Variants in PTPRN2 observed in about 807,000 individuals in gnomAD.
PTPRN2 encodes receptor-type tyrosine-protein phosphatase N2.
In PTPRN2, 74 loss-of-function variants were observed where a neutral mutation model predicts 118.8. The observed-to-expected ratio is 0.62, with a 90% CI of 0.52 to 0.76. The LOEUF is 0.76. Ranked by LOEUF, PTPRN2 falls within the 30% of genes least tolerant of loss-of-function variation. PTPRN2 has a pLI of 0.00. For missense variants in PTPRN2, 1,481 were observed against 1,394.4 expected, an observed-to-expected ratio of 1.06 and a Z score of -0.99; for synonymous variants, 641 against 608.0, an observed-to-expected ratio of 1.05 and a Z score of -0.80.
intron 9 of PTPRN2, among the ~76,000 whole-genome samples, chr7:158,132,022 A>ATG (rs1818363302): frequency 6.7e-6 from 1 of 149,978 alleles, no homozygotes. Context: ...ATACACATCT[A>ATG]TGACATATAC....
chr7:157,544,756 T>A (rs1031287441), intron 22 of PTPRN2, among the ~76,000 whole-genome samples: 16 of 152,196 alleles, frequency 1.1e-4, no homozygotes, highest in African/African-American at 3.9e-4. Context: ...CACAGAGGCA[T>A]GGACGGGAGA....
intron 1 of PTPRN2, among the ~76,000 whole-genome samples, chr7:158,558,193 C>T (rs1237181185): frequency 6.6e-6 from 1 of 152,120 alleles, no homozygotes; most frequent in Non-Finnish European, 1.5e-5. Context: ...GCTATGTTGC[C>T]CAGCCTGGTC....
chr7:157,567,083 C>T (rs1799522847), intron 21 of PTPRN2, among the ~76,000 whole-genome samples: 1 of 152,088 alleles, frequency 6.6e-6, no homozygotes, highest in East Asian at 1.9e-4. Context: ...GAAGGGAGGG[C>T]CCATGATAAG....
chr7:158,270,593 A>G (rs1246184763), intron 3 of PTPRN2, among the ~76,000 whole-genome samples: 3 of 152,020 alleles, frequency 2.0e-5, no homozygotes, highest in Admixed American at 6.5e-5. Context: ...GGGGAAACTG[A>G]GTCCTTTCAG....
At chr7:158,353,049 C>G (rs1808129655) in intron 2 of PTPRN2, among the ~76,000 whole-genome samples, 1 of 152,216 alleles carries the variant, frequency 6.6e-6, no homozygotes, top group Admixed American at 6.5e-5. Flanking sequence ...TTAGAATAAT[C>G]AAGATTTTTA....
intron 12 of PTPRN2, among the ~76,000 whole-genome samples, chr7:157,702,830 C>T (rs1033860090): frequency 6.6e-6 from 1 of 152,208 alleles, no homozygotes; most frequent in East Asian, 1.9e-4. Flanking sequence ...GCTCCTCTCT[C>T]CTCTGGCCCC....
chr7:158,263,003 C>T (rs1797613528), intron 3 of PTPRN2, among the ~76,000 whole-genome samples: 1 of 146,770 alleles, frequency 6.8e-6, no homozygotes, highest in East Asian at 2.0e-4. Context: ...ACATTGCACA[C>T]ACACATTCAC....
intron 12 of PTPRN2, among the ~76,000 whole-genome samples, chr7:157,762,903 C>T (rs151184699): frequency 0.012 from 1,874 of 152,308 alleles, 40 homozygotes; most frequent in African/African-American, 0.043. Context: ...AATCCAGCCC[C>T]GCCCCTGAAA....
chr7:158,432,162 C>T (rs1217774535), intron 2 of PTPRN2, among the ~76,000 whole-genome samples: 2 of 152,186 alleles, frequency 1.3e-5, no homozygotes, highest in Non-Finnish European at 2.9e-5. Flanking sequence ...CCTTTAATGA[C>T]GTGTGAGGGA....
chr7:157,952,237 C>T (rs1466236936), intron 11 of PTPRN2, among the ~76,000 whole-genome samples: 1 of 152,134 alleles, frequency 6.6e-6, no homozygotes, highest in Non-Finnish European at 1.5e-5. Context: ...GGCGATGGGG[C>T]CGAACCCCGC....
intron 11 of PTPRN2, among the ~76,000 whole-genome samples, chr7:158,018,362 A>G (rs931010772): frequency 1.3e-4 from 20 of 150,202 alleles, no homozygotes. Context: ...CAGAGAAGAC[A>G]GGCGTAGCGT....
intron 1 of PTPRN2, among the ~76,000 whole-genome samples, chr7:158,494,190 G>A (rs1414822372): frequency 6.6e-6 from 1 of 152,232 alleles, no homozygotes; most frequent in Non-Finnish European, 1.5e-5. Context: ...CACTGGCTGG[G>A]AGGAAGCTCG....
chr7:157,821,006 G>T lies in PTPRN2; in HGVS notation c.1788+77667C>A, dbSNP rs561501324. 2.0e-5 allele frequency among the ~76,000 whole-genome samples: 3 copies of T among 152,308 alleles called. No homozygotes were observed. In the East Asian group the frequency reaches 5.8e-4, roughly 29 times the overall value. Reference sequence around the variant, plus strand: ...AGGGGAGGCAAGAGTGCACCCTGCAGCCTGGTGGAGTCTCCCATGCTGGAG... The same window carrying T: ...AGGGGAGGCAAGAGTGCACCCTGCATCCTGGTGGAGTCTCCCATGCTGGAG... On this transcript the variant is annotated intron_variant, in intron 12 of 22. Transcript: ENST00000389418.
Position 157,671,866 on chromosome 7 carries a change from A to G in PTPRN2, c.2001+10859T>C, listed in dbSNP as rs1796434093. On this transcript the variant is annotated intron_variant, in intron 13 of 22. Transcript: ENST00000389418. This position sits in a 1 kb window ranked among gnomAD's most constrained non-coding sequence, Gnocchi z 4.1. ...GGGGCCTGCTGGGAATCCCGGTCTC[A>G]GAGGTCTCAGCTCTGACCGAAGGGT... 6.6e-6 allele frequency among the ~76,000 whole-genome samples: 1 copy of G among 152,150 alleles called. No homozygotes were observed. The highest frequency in any genetic ancestry group is 6.5e-5 in the Admixed American group (1 of 15,286).
chr7:157,752,259 C>T lies in PTPRN2; in HGVS notation c.1789-69322G>A, dbSNP rs543183431. ...CGGCCATCACGGATGTAGCGGGGAA[C>T]GTCGTAAGTGCTGCCTCAACAACAT... On this transcript the variant is annotated intron_variant, in intron 12 of 22. Coordinates refer to ENST00000389418, the MANE Select transcript of PTPRN2 (RefSeq NM_002847.5). Among the ~76,000 whole-genome samples, 10 of 152,334 alleles carry T rather than the reference C, an allele frequency of 6.6e-5. No homozygotes were observed. The South Asian group carries it at 1.5e-3, about 22-fold the overall frequency.
chr7:157,651,298 C>T (rs796159006), intron 14 of PTPRN2, among the ~76,000 whole-genome samples: 3 of 152,334 alleles, frequency 2.0e-5, no homozygotes, highest in African/African-American at 7.2e-5. Context: ...GGCCTACTCA[C>T]AGCTCCTGTG....
intron 2 of PTPRN2, among the ~76,000 whole-genome samples, chr7:158,374,319 A>G (rs1381850549): frequency 1.3e-5 from 2 of 151,950 alleles, no homozygotes; most frequent in Non-Finnish European, 2.9e-5. Context: ...ACAAACACCA[A>G]CTCAAAAGGC....
At chr7:158,139,686 G>A (rs1045163400) in intron 6 of PTPRN2, among the ~76,000 whole-genome samples, 7 of 152,044 alleles carry the variant, frequency 4.6e-5, no homozygotes, top group Non-Finnish European at 7.4e-5. Flanking sequence ...AGCAGCGGGG[G>A]CGGGGCGGGG....
At chr7:158,211,461 C>T (rs916078414) in intron 3 of PTPRN2, among the ~76,000 whole-genome samples, 12 of 152,180 alleles carry the variant, frequency 7.9e-5, no homozygotes, top group African/African-American at 2.9e-4. Flanking sequence ...AAGTATTCAT[C>T]TGACAAGGGA....
Sources: gnomAD v4.1 joint callset for allele counts (sites outside exome capture counted in the v4.1 genomes callset) on GRCh38, gnomAD v4.1.1 for gene constraint, Gnocchi (gnomAD v3.1) non-coding constraint, MANE v1.5 for transcripts, NCBI Gene and HGNC (gene_info 2026-07-23, HGNC 2026-07-21) for gene names.